MTHFD2L: variants seen among roughly 807,000 people sequenced by gnomAD.
MTHFD2L encodes methylenetetrahydrofolate dehydrogenase (NADP+ dependent) 2 like, also known as bifunctional methylenetetrahydrofolate dehydrogenase/cyclohydrolase 2, mitochondrial.
In MTHFD2L, 29 loss-of-function variants were observed where a neutral mutation model predicts 34.9. The observed-to-expected ratio is 0.83, with a 90% CI of 0.62 to 1.13. The LOEUF (loss-of-function observed/expected upper bound fraction) is 1.13, where lower values mean the gene tolerates loss of function less well. Ranked by LOEUF, MTHFD2L falls within the 50% of genes most tolerant of loss-of-function variation. The probability of loss-of-function intolerance (pLI) is 0.00; values close to 1 mark genes in which losing one functional copy is unlikely to be tolerated. For missense variants in MTHFD2L, 481 were observed against 446.5 expected (o/e 1.08, Z -0.70); for synonymous variants, 167 against 155.7 (o/e 1.07, Z -0.54).
intron 5 of MTHFD2L, among the ~76,000 whole-genome samples, chr4:74,208,107 T>C (rs1273818997): frequency 6.6e-6 from 1 of 152,124 alleles, no homozygotes; most frequent in East Asian, 1.9e-4. Context: ...GCCACTCTCA[T>C]CCCACTACCC....
chr4:74,248,544 G>A (rs1376164359), intron 6 of MTHFD2L, among the ~76,000 whole-genome samples: 1 of 147,630 alleles, frequency 6.8e-6, no homozygotes, highest in Non-Finnish European at 1.5e-5. Flanking sequence ...GTTTGCTCTT[G>A]CTTTTCTAGT....
At chr4:74,216,275 A>G (rs1461840762) in intron 5 of MTHFD2L, among the ~76,000 whole-genome samples, 2 of 151,778 alleles carry the variant, frequency 1.3e-5, no homozygotes, top group Non-Finnish European at 2.9e-5. Context: ...TTTCCTCCCA[A>G]CTTTTAAACC....
At position 74,233,007 on chromosome 4, in the gene MTHFD2L, A is replaced by T. The variant is rs189394091; in HGVS notation, c.805+7613A>T. On this transcript the variant is annotated intron_variant, in intron 6 of 7. Coordinates refer to ENST00000325278, the MANE Select transcript of MTHFD2L (RefSeq NM_001144978.3). The stretch of plus-strand genomic sequence containing the variant: ...CATCGTAACCCATAATATTTATCGT[A>T]TTGGTCTTAAGTTTATTTTCTTAGT... Among the ~76,000 whole-genome samples, 7 of 146,834 alleles carry T rather than the reference A, an allele frequency of 4.8e-5. No homozygotes were observed. In the Admixed American group the frequency reaches 4.9e-4, roughly 10 times the overall value.
At position 74,217,610 on chromosome 4, in the gene MTHFD2L, A is replaced by G. The variant is rs144610987; in HGVS notation, c.713-7692A>G. ...GTGACAAAGCAAAACTCTATATGTG[A>G]GGTTCTAGCTCAGATTGGTTTGCCA... On this transcript the variant is annotated intron_variant, in intron 5 of 7. Coordinates refer to ENST00000325278, the MANE Select transcript of MTHFD2L (RefSeq NM_001144978.3). Among the ~76,000 whole-genome samples the G allele has an allele frequency of 4.4e-3, 664 of 151,788 alleles. 6 individuals carry two copies. The highest frequency in any genetic ancestry group is 4.3e-3 in the Non-Finnish European group (290 of 67,986).
intron 5 of MTHFD2L, among the ~76,000 whole-genome samples, chr4:74,222,304 C>G (rs892227737): frequency 2.6e-5 from 4 of 152,134 alleles, no homozygotes; most frequent in East Asian, 1.9e-4. Flanking sequence ...TATTTCTGAA[C>G]AGTTACAGAG....
upstream of MTHFD2L, among the ~76,000 whole-genome samples, chr4:74,120,945 C>T (rs1267357438): frequency 6.6e-6 from 1 of 152,184 alleles, no homozygotes; most frequent in Admixed American, 6.5e-5. Flanking sequence ...CAATCTTTCA[C>T]TTCAGAGGAA....
At chr4:74,172,827 T>C (rs1049774083) in intron 1 of MTHFD2L, among the ~76,000 whole-genome samples, 3 of 152,198 alleles carry the variant, frequency 2.0e-5, no homozygotes, top group South Asian at 2.1e-4. Flanking sequence ...AGTGGAAGAC[T>C]GGTGCCATGC....
rs1211901649 is a variant in MTHFD2L, at chr4:74,274,986, A to G, written c.806-6439A>G. 3.3e-5 allele frequency among the ~76,000 whole-genome samples: 5 copies of G among 152,280 alleles called. No homozygotes were observed. The East Asian group carries it at 9.6e-4, about 29-fold the overall frequency. Reference sequence around the variant, plus strand: ...ACTTTAAGTTCCAGGATACATGTGCAGAATGTGCAGGTTTATTACATAGGT... The same window carrying G: ...ACTTTAAGTTCCAGGATACATGTGCGGAATGTGCAGGTTTATTACATAGGT... On this transcript the variant is annotated intron_variant, in intron 6 of 7. Transcript: ENST00000325278.
Position 74,267,147 on chromosome 4 carries a change from C to T in MTHFD2L, c.806-14278C>T, listed in dbSNP as rs1193723773. The T allele has an allele frequency of 4.1e-6, 4 of 984,916 alleles. No individual in the cohort carries two copies. The African/African-American group carries it at 5.2e-5, about 13-fold the overall frequency. The allele number at this position is 984,916 out of a possible 1,614,324, so 61.0% of individuals were successfully genotyped here. A position where few individuals can be genotyped will look rare whatever the true frequency, so the allele number is the denominator to read the frequency against. On this transcript the variant is annotated intron_variant, in intron 6 of 7. Coordinates refer to ENST00000325278, the MANE Select transcript of MTHFD2L (RefSeq NM_001144978.3). ...TAAAATGTTTGAAACCCATTCCATTCGACTTTAATACTCTGTGAATAACAT... is the reference window on the plus strand; with the variant it reads ...TAAAATGTTTGAAACCCATTCCATTTGACTTTAATACTCTGTGAATAACAT...
At chr4:74,265,309 T>G (rs1745154349) in intron 6 of MTHFD2L, among the ~76,000 whole-genome samples, 1 of 152,206 alleles carries the variant, frequency 6.6e-6, no homozygotes, top group Admixed American at 6.5e-5. Context: ...GCACTGTAGC[T>G]GCTCCACACG....
At chr4:74,192,596 T>C (rs1455365795) in intron 3 of MTHFD2L, among the ~76,000 whole-genome samples, 1 of 152,140 alleles carries the variant, frequency 6.6e-6, no homozygotes, top group Non-Finnish European at 1.5e-5. Context: ...CCCTATCATA[T>C]TATGGAACAT....
intron 4 of MTHFD2L, among the ~76,000 whole-genome samples, chr4:74,200,444 T>C (rs1172458476): frequency 6.6e-6 from 1 of 152,226 alleles, no homozygotes; most frequent in African/African-American, 2.4e-5. Context: ...AGTAGTGGTA[T>C]ATGTCGGCCT....
At position 74,215,293 on chromosome 4, in the gene MTHFD2L, A is replaced by G. The variant is rs1737017693; in HGVS notation, c.713-10009A>G. On this transcript the variant is annotated intron_variant, in intron 5 of 7. Coordinates refer to ENST00000325278, the MANE Select transcript of MTHFD2L (RefSeq NM_001144978.3). Reference sequence around the variant, plus strand: ...TGGTGTCTGTCCAAACAGCCACCCAATTTTGTGCTTGAAACCCAGGGCCCT... The same window carrying G: ...TGGTGTCTGTCCAAACAGCCACCCAGTTTTGTGCTTGAAACCCAGGGCCCT... Among the ~76,000 whole-genome samples the G allele has an allele frequency of 1.3e-5, 2 of 151,776 alleles. 1 individual carries two copies. The highest frequency in any genetic ancestry group is 4.9e-5 in the African/African-American group (2 of 41,088).
chr4:74,251,824 A>G (rs2110200675), intron 6 of MTHFD2L, among the ~76,000 whole-genome samples: 1 of 152,332 alleles, frequency 6.6e-6, no homozygotes, highest in South Asian at 2.1e-4. Flanking sequence ...AATTTCCAGT[A>G]GCAAACAAAA....
At chr4:74,139,245 G>T (rs1422646522) in intron 1 of MTHFD2L, among the ~76,000 whole-genome samples, 1 of 152,074 alleles carries the variant, frequency 6.6e-6, no homozygotes, top group African/African-American at 2.4e-5. Context: ...ACCTGGGAAG[G>T]TCCCAAAGGT....
chr4:74,154,523 C>T (rs561954991), upstream of MTHFD2L, among the ~76,000 whole-genome samples: 5 of 151,998 alleles, frequency 3.3e-5, no homozygotes, highest in South Asian at 8.3e-4. Context: ...TTTTATACTT[C>T]GGGTTATAAT....
intron 6 of MTHFD2L, among the ~76,000 whole-genome samples, chr4:74,250,303 T>C (rs984956344): frequency 6.6e-6 from 1 of 152,244 alleles, no homozygotes; most frequent in Non-Finnish European, 1.5e-5. Context: ...CACTCTCTAA[T>C]TTAATTCATG....
At chr4:74,213,469 C>G (rs1161423442) in intron 5 of MTHFD2L, among the ~76,000 whole-genome samples, 1 of 152,116 alleles carries the variant, frequency 6.6e-6, no homozygotes, top group East Asian at 1.9e-4. Flanking sequence ...CTTAGTTTGG[C>G]TGGATATGAA....
At chr4:74,182,429 T>C (rs1730369433) in intron 3 of MTHFD2L, among the ~76,000 whole-genome samples, 1 of 152,234 alleles carries the variant, frequency 6.6e-6, no homozygotes, top group Non-Finnish European at 1.5e-5. Context: ...CTATATAGTA[T>C]CTATTGTATA....
Sources: gnomAD v4.1 joint callset for allele counts (sites outside exome capture counted in the v4.1 genomes callset) on GRCh38, gnomAD v4.1.1 for gene constraint, MANE v1.5 for transcripts, NCBI Gene and HGNC (gene_info 2026-07-23, HGNC 2026-07-21) for gene names.